NFU1: variants seen among roughly 807,000 people sequenced by gnomAD.
The protein encoded by NFU1 is NFU1 iron-sulfur cluster scaffold.
A neutral mutation model predicts 32.2 loss-of-function variants in NFU1; 30 were observed. The observed-to-expected ratio is 0.93, with a 90% CI of 0.70 to 1.26. The LOEUF (loss-of-function observed/expected upper bound fraction) is 1.26, where lower values mean the gene tolerates loss of function less well. NFU1 is among the 50% of genes most tolerant of loss of function. The pLI is 0.00. For synonymous variants in NFU1, 112 were observed against 104.6 expected (o/e 1.07, Z -0.43); for missense variants, 306 against 306.6 (o/e 1.00, Z 0.02).
At chr2:69,437,226 C>G (rs1311637465) in intron 1 of NFU1, 135 bp downstream of exon 1, 2 of 1,472,358 alleles carry the variant, frequency 1.4e-6, no homozygotes, top group African/African-American at 1.4e-5. Context: ...CCCCCAACTA[C>G]GGCGACAGGG....
chr2:69,404,615 A>T (rs1251625136), intron 6 of NFU1, among the ~76,000 whole-genome samples: 2 of 73,006 alleles, frequency 2.7e-5, no homozygotes, highest in African/African-American at 6.3e-5. Flanking sequence ...ATCTTAGCAA[A>T]TTTTTTTTTT....
chr2:69,422,507 G>C (rs966312754), intron 3 of NFU1, among the ~76,000 whole-genome samples: 1 of 151,958 alleles, frequency 6.6e-6, no homozygotes, highest in Non-Finnish European at 1.5e-5. Flanking sequence ...AAGAACTACA[G>C]ATTCAACTAC....
chr2:69,435,760 G>A (rs1163095225), intron 1 of NFU1, among the ~76,000 whole-genome samples: 1 of 152,084 alleles, frequency 6.6e-6, no homozygotes, highest in Non-Finnish European at 1.5e-5. Flanking sequence ...TTTATTTTGA[G>A]ATGGAAATAA....
chr2:69,424,192 A>AT (rs1673370250), intron 2 of NFU1, among the ~76,000 whole-genome samples: 2 of 134,488 alleles, frequency 1.5e-5, no homozygotes, highest in African/African-American at 5.8e-5. Context: ...AAAAAAAAAA[A>AT]AAAAAAATAT....
At chr2:69,437,707 A>G (rs1236507068), upstream of NFU1, 2 of 554,170 alleles carry the variant, frequency 3.6e-6, no homozygotes, top group Admixed American at 6.0e-5. Flanking sequence ...CCTGTTGGCT[A>G]GGTTTTTAGC....
intron 1 of NFU1, 185 bp downstream of exon 1, chr2:69,437,176 C>T: frequency 3.0e-6 from 4 of 1,348,784 alleles, no homozygotes; most frequent in Non-Finnish European, 3.9e-6. Context: ...GATTAGGCCA[C>T]AGAAGCGCCG....
chr2:69,428,316 C>A (rs1409666654), intron 2 of NFU1, among the ~76,000 whole-genome samples: 1 of 151,798 alleles, frequency 6.6e-6, no homozygotes, highest in Non-Finnish European at 1.5e-5. Flanking sequence ...TCCCAGCTAC[C>A]TAGAAGGCTG....
Position 69,423,713 on chromosome 2 carries a change from T to C in NFU1, c.171A>G (p.Arg57=), listed in dbSNP as rs1558839084. 2.5e-6 allele frequency: 4 copies of C among 1,596,622 alleles called. No individual in the cohort carries two copies. Among genetic ancestry groups the C allele is most frequent in the Non-Finnish European group, 3.4e-6 (4 of 1,164,432 alleles). The change falls in exon 3 of 8, where the codon AGA becomes AGG. Residue 57 remains arginine, a synonymous_variant. Coordinates refer to ENST00000410022, the MANE Select transcript of NFU1 (RefSeq NM_001002755.4). The part of the protein sequence containing the change: ...PLPAAFYHPV[R]YMFIQTQDTP... ...TATCTTGTGTTTGAATAAACATGTA[T>C]CTCACTAAAAAAGAAAAAGAAGAAA...
At chr2:69,416,290 T>C (rs1459819046) in intron 4 of NFU1, 1 of 147,844 alleles carries the variant, frequency 6.8e-6, no homozygotes, top group Non-Finnish European at 1.5e-5. Flanking sequence ...TCACTTATTA[T>C]TATTAATAAT....
intron 7 of NFU1, 132 bp downstream of exon 7, chr2:69,400,232 A>G: frequency 1.2e-6 from 1 of 826,644 alleles, no homozygotes; most frequent in Non-Finnish European, 2.0e-6. Context: ...ACAAAAATCC[A>G]GCCCTTGAAG....
chr2:69,398,069 C>T lies in NFU1; in HGVS notation c.721-1779G>A, dbSNP rs145341959. On this transcript the variant is annotated intron_variant, in intron 7 of 7. Transcript: ENST00000410022. Reference sequence around the variant, plus strand: ...ACATCCAATTTCAACAATACCCAATCCAAAAAATTTTGTCAACCAACTCAT... The same window carrying T: ...ACATCCAATTTCAACAATACCCAATTCAAAAAATTTTGTCAACCAACTCAT... Among the ~76,000 whole-genome samples, 222 of 152,172 alleles carry T rather than the reference C, an allele frequency of 1.5e-3. No individual in the cohort carries two copies. In the Middle Eastern group the frequency reaches 0.02, roughly 14 times the overall value.
intron 6 of NFU1, among the ~76,000 whole-genome samples, chr2:69,402,315 C>T (rs1412166984): frequency 6.6e-6 from 1 of 152,060 alleles, no homozygotes; most frequent in Non-Finnish European, 1.5e-5. Flanking sequence ...TAATCTGTAC[C>T]CTGCCTTTTG....
intron 5 of NFU1, among the ~76,000 whole-genome samples, chr2:69,407,422 A>AACC (rs1672731008): frequency 1.3e-5 from 2 of 152,214 alleles, no homozygotes; most frequent in African/African-American, 4.8e-5. Flanking sequence ...CATGCCTGTA[A>AACC]TCCCAGCACT....
intron 1 of NFU1, among the ~76,000 whole-genome samples, chr2:69,435,111 G>A (rs898052981): frequency 2.6e-5 from 4 of 152,232 alleles, no homozygotes; most frequent in African/African-American, 9.6e-5. Context: ...CACCTTAGCA[G>A]AATTCAGGCT....
intron 2 of NFU1, among the ~76,000 whole-genome samples, chr2:69,430,904 G>A (rs1673617551): frequency 6.6e-6 from 1 of 152,198 alleles, no homozygotes; most frequent in Non-Finnish European, 1.5e-5. Context: ...CAATGGAAAG[G>A]AGAGGCTGAA....
In NFU1 at chr2:69,400,374, C is replaced by A; in HGVS notation, c.710G>T (p.Gly237Val). 3 of 1,613,954 alleles carry A rather than the reference C, an allele frequency of 1.9e-6. No individual in the cohort carries two copies. The highest frequency in any genetic ancestry group is 2.5e-6 in the Non-Finnish European group (3 of 1,179,864). ...ATAATATTGGCATACCTGTTCTACG[C>A]CTTCTACCTCCGGAATATAAAACTG... The part of the protein sequence containing the change: ...MLQFYIPEVE[G>V]VEQVMDDESD... Residue 237 changes from glycine (G) to valine (V), a missense_variant, in exon 7 of 8, where the codon GGC (glycine) becomes GTC (valine). Transcript: ENST00000410022.
At chr2:69,404,195 G>A (rs1000023770) in intron 6 of NFU1, among the ~76,000 whole-genome samples, 6 of 149,346 alleles carry the variant, frequency 4.0e-5, no homozygotes, top group Non-Finnish European at 5.9e-5. Flanking sequence ...ACAACATGAT[G>A]TTTTGAAATA....
At chr2:69,404,977 A>G (rs887727812) in intron 6 of NFU1, among the ~76,000 whole-genome samples, 3 of 150,932 alleles carry the variant, frequency 2.0e-5, no homozygotes, top group Admixed American at 6.6e-5. Context: ...GGCTGGGCGC[A>G]GTGGCTCATG....
At chr2:69,415,899 A>AGAGGATTG (rs1673034679) in intron 4 of NFU1, among the ~76,000 whole-genome samples, 1 of 152,180 alleles carries the variant, frequency 6.6e-6, no homozygotes, top group South Asian at 2.1e-4. Context: ...AGCTGAGGCA[A>AGAGGATTG]GAGGATTGCT....
Sources: gnomAD v4.1 joint callset for allele counts (sites outside exome capture counted in the v4.1 genomes callset) on GRCh38, gnomAD v4.1.1 for gene constraint, MANE v1.5 for transcripts, NCBI Gene and HGNC (gene_info 2026-07-23, HGNC 2026-07-21) for gene names.